Variants in BPI observed in about 807,000 individuals in gnomAD.
BPI encodes the protein bactericidal permeability increasing protein.
Under a neutral mutation model 57.6 loss-of-function variants are expected in BPI, and 48 were observed. That is an observed-to-expected ratio of 0.83 (90% CI 0.66 to 1.06). The LOEUF (loss-of-function observed/expected upper bound fraction) is 1.06. BPI is among the 50% of genes least tolerant of loss of function. The pLI, the probability that BPI is intolerant of heterozygous loss-of-function variation, is 0.00. For synonymous variants in BPI, 237 were observed against 238.2 expected, an observed-to-expected ratio of 0.99 and a Z score of 0.05; for missense variants, 651 against 609.7, an observed-to-expected ratio of 1.07 and a Z score of -0.71.
At position 38,331,048 on chromosome 20, in the gene BPI, G is replaced by C. The variant is rs200056207; in HGVS notation, c.1230G>C (p.Arg410Ser). 4.3e-6 allele frequency: 7 copies of C among 1,613,944 alleles called. No homozygotes were observed. The African/African-American group carries it at 5.3e-5, about 12-fold the overall frequency. ...NRLVGELKLD[R>S]LLLELKHSNI... ...CAGTCCCCTCCTCCCCCTCTCACAGGCTGCTCCTGGAACTGAAGCACTCAA... is the reference window on the plus strand; with the variant it reads ...CAGTCCCCTCCTCCCCCTCTCACAGCCTGCTCCTGGAACTGAAGCACTCAA... The change falls in exon 12 of 15, where the codon AGG becomes AGC. Residue 410 changes from arginine (R) to serine (S), a missense_variant and splice_region_variant. Arg to Ser is a moderately radical substitution (Grantham distance 110). Coordinates refer to ENST00000642449, the MANE Select transcript of BPI (RefSeq NM_001725.3).
chr20:38,310,753 C>A, intron 4 of BPI, 101 bp downstream of exon 4: 1 of 1,464,892 alleles, frequency 6.8e-7, no homozygotes, highest in Non-Finnish European at 9.3e-7. Flanking sequence ...CACCTGCATG[C>A]CAGGCCTTGC....
rs1450151809 is a variant in BPI at position 38,320,601 on chromosome 20, C to G, written c.756+327C>G. On this transcript the variant is annotated intron_variant, in intron 7 of 14. Transcript: ENST00000642449. The stretch of plus-strand genomic sequence containing the variant: ...ATATTCCCTCCCTAGAGAGACCTTC[C>G]CAGACCACTCTCGCTGAAATAGCTC... Among the ~76,000 whole-genome samples, 12 of 151,426 alleles carry G rather than the reference C, an allele frequency of 7.9e-5. No homozygotes were observed. In the East Asian group the frequency reaches 2.3e-3, roughly 30 times the overall value.
intron 12 of BPI, among the ~76,000 whole-genome samples, chr20:38,331,361 T>C (rs1424346584): frequency 6.6e-6 from 1 of 152,210 alleles, no homozygotes; most frequent in African/African-American, 2.4e-5. Flanking sequence ...ATGGTTTAAA[T>C]GGGATTAAAC....
chr20:38,322,526 T>A (rs1391235874), intron 7 of BPI, among the ~76,000 whole-genome samples: 2 of 152,230 alleles, frequency 1.3e-5, no homozygotes, highest in African/African-American at 4.8e-5. Flanking sequence ...ATGCTCTACA[T>A]GAATGGATAC....
Position 38,311,882 on chromosome 20 carries a change from T to A in BPI, c.545T>A (p.Ile182Asn), listed in dbSNP as rs1477203371. ...HISKSKVGWL[I>N]QLFHKKIESA... ...TACTTGTTCATCTCTAGGTGGCTGA[T>A]CCAACTCTTCCACAAAAAAATTGAG... The change falls in exon 5 of 15, where the codon ATC becomes AAC. Residue 182 changes from isoleucine (I) to asparagine (N), a missense_variant. Transcript: ENST00000642449. 1 of 1,613,964 alleles carries A rather than the reference T, an allele frequency of 6.2e-7. No homozygotes were observed. The highest frequency in any genetic ancestry group is 1.7e-5 in the Admixed American group (1 of 60,008).
intron 7 of BPI, among the ~76,000 whole-genome samples, chr20:38,321,424 C>T (rs2076685129): frequency 6.6e-6 from 1 of 152,070 alleles, no homozygotes. Flanking sequence ...GGCATTTGTC[C>T]TAGCTGTTCC....
At chr20:38,316,826 G>A (rs1655913129) in intron 5 of BPI, among the ~76,000 whole-genome samples, 1 of 152,206 alleles carries the variant, frequency 6.6e-6, no homozygotes, top group Admixed American at 6.5e-5. Context: ...TCCAGAGAGT[G>A]TGGGTGAGGC....
At chr20:38,325,731 G>C (rs1432145570) in intron 9 of BPI, among the ~76,000 whole-genome samples, 1 of 152,184 alleles carries the variant, frequency 6.6e-6, no homozygotes, top group Admixed American at 6.5e-5. Context: ...TGGTTGGGGG[G>C]AGAGGTGTGG....
chr20:38,335,737 C>A, intron 14 of BPI, 63 bp downstream of exon 14: 7 of 1,510,982 alleles, frequency 4.6e-6, no homozygotes, highest in Non-Finnish European at 5.5e-6. Context: ...CAGCCTATGG[C>A]TGCAATGCTT....
intron 4 of BPI, 45 bp downstream of exon 4, chr20:38,310,697 G>A: frequency 6.3e-7 from 1 of 1,587,000 alleles, no homozygotes; most frequent in Non-Finnish European, 8.6e-7. Context: ...ACTTAAAGAA[G>A]AACTCTCCCA....
At chr20:38,314,478 ATGATGG>A (rs1397546529) in intron 5 of BPI, among the ~76,000 whole-genome samples, 15 of 135,082 alleles carry the variant, frequency 1.1e-4, no homozygotes, top group South Asian at 5.3e-4. Context: ...GATGATGATA[ATGATGG>A]TGATGGTGAT....
At position 38,327,604 on chromosome 20, in the gene BPI, T is replaced by C. The variant is rs2076719937; in HGVS notation, c.1178T>C (p.Met393Thr). Residue 393 changes from methionine (M) to threonine (T), a missense_variant, in exon 11 of 15, where the codon ATG becomes ACG. Transcript: ENST00000642449. The part of the protein sequence containing the change: ...FLIGMHTTGS[M>T]EVSAESNRLV... ...TTTTGGCAGCACACAACTGGTTCCATGGAGGTCAGCGCCGAGTCCAACAGG... is the reference window on the plus strand; with the variant it reads ...TTTTGGCAGCACACAACTGGTTCCACGGAGGTCAGCGCCGAGTCCAACAGG... 1.9e-6 allele frequency: 3 copies of C among 1,613,336 alleles called. No individual in the cohort carries two copies. Among genetic ancestry groups the C allele is most frequent in the Non-Finnish European group, 2.5e-6 (3 of 1,179,642 alleles).
At chr20:38,334,900 T>C (rs2076759594) in intron 13 of BPI, among the ~76,000 whole-genome samples, 1 of 151,736 alleles carries the variant, frequency 6.6e-6, no homozygotes, top group Non-Finnish European at 1.5e-5. Flanking sequence ...GATGAGGGGG[T>C]TCCCTGATAA....
Position 38,335,590 on chromosome 20 carries a change from T to C in BPI, c.1337-8T>C. 8 of 1,613,336 alleles carry C rather than the reference T, an allele frequency of 5.0e-6. No individual in the cohort carries two copies. The highest frequency in any genetic ancestry group is 5.9e-6 in the Non-Finnish European group (7 of 1,179,250). On this transcript the variant is annotated splice_polypyrimidine_tract_variant and splice_region_variant and intron_variant, in intron 13 of 14. Transcript: ENST00000642449. ...TCTCCTGGTCCTCACCATCGGTCTC[T>C]GTCACAGAGAAACTACAGAAAGGCT...
intron 11 of BPI, among the ~76,000 whole-genome samples, chr20:38,328,046 G>T (rs1600711511): frequency 6.6e-6 from 1 of 152,132 alleles, no homozygotes; most frequent in African/African-American, 2.4e-5. Context: ...GACACTAGGA[G>T]ATCCCGCTTC....
In BPI at chr20:38,325,237, C is replaced by G. The variant is rs143504651; in HGVS notation, c.993+404C>G. On this transcript the variant is annotated intron_variant, in intron 9 of 14. Coordinates refer to ENST00000642449, the MANE Select transcript of BPI (RefSeq NM_001725.3). ...ATAGTGTGGACTGTTACCAGTGAAA[C>G]CAACAGGTGGATGAGGTTACTTTAG... is the stretch of plus-strand genomic sequence containing the variant. Among the ~76,000 whole-genome samples, 106 of 151,370 alleles carry G rather than the reference C, an allele frequency of 7.0e-4. No homozygotes were observed. In the Middle Eastern group the frequency reaches 0.014, roughly 19 times the overall value.
intron 11 of BPI, among the ~76,000 whole-genome samples, chr20:38,330,549 A>T (rs2076737284): frequency 1.3e-5 from 2 of 152,184 alleles, no homozygotes; most frequent in South Asian, 4.1e-4. Flanking sequence ...TCAGTCAAGG[A>T]AAGACCCAGG....
intron 1 of BPI, among the ~76,000 whole-genome samples, chr20:38,305,780 G>A (rs752221024): frequency 1.4e-4 from 21 of 152,140 alleles, no homozygotes; most frequent in Admixed American, 3.3e-4. Flanking sequence ...TACTTCCTAG[G>A]ATTGTACAAA....
intron 5 of BPI, among the ~76,000 whole-genome samples, chr20:38,315,835 C>CTTTTT (rs374398594): frequency 3.8e-5 from 5 of 132,232 alleles, no homozygotes; most frequent in South Asian, 2.4e-4. Flanking sequence ...CTTTTCTTTT[C>CTTTTT]TTTTTTTTTT....
Sources: allele counts gnomAD v4.1 joint callset (sites outside exome capture counted in the v4.1 genomes callset), GRCh38; gene constraint gnomAD v4.1.1; transcripts MANE v1.5; gene names NCBI Gene and HGNC (gene_info 2026-07-23, HGNC 2026-07-21).